NBAS: variants seen among roughly 807,000 people sequenced by gnomAD.
NBAS encodes NAG/BC035112 fusion.
NBAS carries 219 observed loss-of-function variants against 302.5 expected under a neutral mutation model. The observed-to-expected ratio is 0.72, with a 90% CI of 0.65 to 0.81. The LOEUF (loss-of-function observed/expected upper bound fraction) is 0.81, where lower values mean the gene tolerates loss of function less well. Among genes scored for constraint, NBAS ranks in the 30% least tolerant of loss-of-function variants. NBAS has a pLI of 0.00. For missense variants in NBAS, 2,932 were observed against 2,841.6 expected, an observed-to-expected ratio of 1.03 and a Z score of -0.72; for synonymous variants, 1,118 against 1,021.6, an observed-to-expected ratio of 1.09 and a Z score of -1.80.
At chr2:14,847,002 C>T in the NBAS span, among the ~76,000 whole-genome samples, 2 of 152,126 alleles carry the variant, frequency 1.3e-5, no homozygotes, top group Non-Finnish European at 2.9e-5. Flanking sequence ...ACCAACCTCT[C>T]CAATCAAAAG....
chr2:15,072,043 T>C, the NBAS span, among the ~76,000 whole-genome samples: 1 of 152,244 alleles, frequency 6.6e-6, no homozygotes, highest in Admixed American at 6.5e-5. Flanking sequence ...GTCTACTTGC[T>C]CAGGATGGCT....
the NBAS span, among the ~76,000 whole-genome samples, chr2:15,120,514 G>GT: frequency 7.0e-6 from 1 of 143,686 alleles, no homozygotes; most frequent in Non-Finnish European, 1.5e-5. Context: ...ATCTTTTCAG[G>GT]TTAAAAAAAA....
chr2:15,209,363 T>C (rs577570093), intron 48 of NBAS, among the ~76,000 whole-genome samples: 1 of 152,118 alleles, frequency 6.6e-6, no homozygotes, highest in East Asian at 1.9e-4. Context: ...TACCAAATAT[T>C]TAAAGAAGAA....
At chr2:15,216,900 G>A (rs1408741565) in intron 48 of NBAS, among the ~76,000 whole-genome samples, 1 of 152,196 alleles carries the variant, frequency 6.6e-6, no homozygotes, top group Non-Finnish European at 1.5e-5. Flanking sequence ...GACCGAGGTC[G>A]AGAATTTAAA....
intron 48 of NBAS, among the ~76,000 whole-genome samples, chr2:15,205,701 G>A (rs1256509951): frequency 6.6e-6 from 1 of 152,068 alleles, no homozygotes; most frequent in African/African-American, 2.4e-5. Context: ...CTGAGTCATG[G>A]GGGTGGACTT....
At chr2:14,933,752 G>C in the NBAS span, among the ~76,000 whole-genome samples, 1 of 152,108 alleles carries the variant, frequency 6.6e-6, no homozygotes, top group African/African-American at 2.4e-5. Context: ...AGGCTACCGT[G>C]TTTGTAATTA....
At chr2:15,447,463 G>A (rs1259258533) in intron 21 of NBAS, among the ~76,000 whole-genome samples, 1 of 152,152 alleles carries the variant, frequency 6.6e-6, no homozygotes, top group Non-Finnish European at 1.5e-5. Context: ...AATGTGCTGT[G>A]TTAGAAACCA....
At chr2:15,491,326 G>A (rs1451759903) in intron 11 of NBAS, among the ~76,000 whole-genome samples, 1 of 152,200 alleles carries the variant, frequency 6.6e-6, no homozygotes, top group Non-Finnish European at 1.5e-5. Flanking sequence ...AGAGTCACAG[G>A]GAGAATGTGA....
intron 11 of NBAS, among the ~76,000 whole-genome samples, chr2:15,494,053 A>G (rs938701949): frequency 2.0e-5 from 3 of 152,070 alleles, no homozygotes; most frequent in African/African-American, 4.8e-5. Flanking sequence ...TCAACTCCTG[A>G]CCTCAGGTGA....
the NBAS span, among the ~76,000 whole-genome samples, chr2:14,799,712 A>G: frequency 2.6e-5 from 4 of 152,024 alleles, no homozygotes; most frequent in African/African-American, 9.7e-5. Context: ...TTGTAGATCT[A>G]TAAGTGTTTG....
chr2:14,783,190 T>C, the NBAS span, among the ~76,000 whole-genome samples: 6 of 152,208 alleles, frequency 3.9e-5, no homozygotes, highest in South Asian at 6.2e-4. Flanking sequence ...AAATGGCAAA[T>C]TGACTATGAA....
At chr2:14,860,966 A>G in the NBAS span, among the ~76,000 whole-genome samples, 1 of 152,160 alleles carries the variant, frequency 6.6e-6, no homozygotes, top group East Asian at 1.9e-4. Flanking sequence ...CCCCAAAGCT[A>G]TGTACATCTA....
the NBAS span, among the ~76,000 whole-genome samples, chr2:14,981,729 C>T: frequency 6.6e-6 from 1 of 152,170 alleles, no homozygotes; most frequent in Non-Finnish European, 1.5e-5. Flanking sequence ...CTTTCTTCAT[C>T]CTCCGGCTAA....
chr2:15,331,589 T>TA (rs1672352884), intron 35 of NBAS, among the ~76,000 whole-genome samples: 1 of 152,246 alleles, frequency 6.6e-6, no homozygotes, highest in South Asian at 2.1e-4. Flanking sequence ...AAGGATAACG[T>TA]AATAGCTTAG....
chr2:15,470,922 T>C (rs1212127270), intron 16 of NBAS, among the ~76,000 whole-genome samples: 2 of 152,032 alleles, frequency 1.3e-5, no homozygotes, highest in African/African-American at 4.8e-5. Flanking sequence ...GATCGCACCA[T>C]TGCAATCCAG....
intron 31 of NBAS, among the ~76,000 whole-genome samples, chr2:15,370,759 T>C (rs1674442608): frequency 6.6e-6 from 1 of 152,240 alleles, no homozygotes; most frequent in Non-Finnish European, 1.5e-5. Flanking sequence ...CCATTTGGAA[T>C]GGAGGCATTT....
the NBAS span, among the ~76,000 whole-genome samples, chr2:14,964,875 C>T: frequency 1.6e-4 from 25 of 152,122 alleles, no homozygotes; most frequent in Non-Finnish European, 2.6e-4. Flanking sequence ...AAATTAGCAA[C>T]GGAAGAATCT....
chr2:15,175,881 C>T (rs973320349), intron 51 of NBAS, among the ~76,000 whole-genome samples: 1 of 152,126 alleles, frequency 6.6e-6, no homozygotes, highest in Admixed American at 6.5e-5. Flanking sequence ...TAATGAATAG[C>T]AAAATAATAC....
chr2:15,344,159 T>A (rs1262831128), intron 35 of NBAS, among the ~76,000 whole-genome samples: 1 of 151,892 alleles, frequency 6.6e-6, no homozygotes, highest in Non-Finnish European at 1.5e-5. Flanking sequence ...ATTAGTTACT[T>A]GGGATATAAA....
Sources: gnomAD v4.1 joint callset for allele counts (sites outside exome capture counted in the v4.1 genomes callset) on GRCh38, gnomAD v4.1.1 for gene constraint, MANE v1.5 for transcripts, NCBI Gene and HGNC (gene_info 2026-07-23, HGNC 2026-07-21) for gene names.